DEFB132: variants seen among roughly 807,000 people sequenced by gnomAD.
DEFB132 encodes defensin beta 132, also known as beta-defensin 132.
DEFB132 carries 5 observed loss-of-function variants against 2.5 expected under a neutral mutation model. That is an observed-to-expected ratio of 2.00 (90% CI 1.04 to 4.20). DEFB132 has a LOEUF of 4.20. DEFB132 is among the 30% of genes most tolerant of loss of function. The probability of loss-of-function intolerance (pLI) is 0.00; values close to 1 mark genes in which losing one functional copy is unlikely to be tolerated. For synonymous variants in DEFB132, 53 were observed against 46.2 expected, an observed-to-expected ratio of 1.15 and a Z score of -0.60; for missense variants, 112 against 110.0, an observed-to-expected ratio of 1.02 and a Z score of -0.08.
In DEFB132 at chr20:259,418, T is replaced by C; in HGVS notation, c.*112T>C. 2.6e-6 allele frequency: 3 copies of C among 1,152,980 alleles called. No homozygotes were observed. The highest frequency in any genetic ancestry group is 3.2e-5 in the South Asian group (2 of 63,150). The allele number at this position is 1,152,980 out of a possible 1,614,324, so 71.4% of individuals were successfully genotyped here. On this transcript the variant is annotated 3_prime_UTR_variant, in exon 2 of 2. Coordinates refer to ENST00000382376, the MANE Select transcript of DEFB132 (RefSeq NM_207469.3). ...CTCCTCTTTATGGGGCAGATATCTA[T>C]AGCCAACCCCAAAACTTCTGTCTTC...
At chr20:258,310 GT>G (rs2011603177) in intron 1 of DEFB132, among the ~76,000 whole-genome samples, 1 of 152,146 alleles carries the variant, frequency 6.6e-6, no homozygotes, top group South Asian at 2.1e-4. Flanking sequence ...CCACAGGATG[GT>G]AAGCAATGGG....
At chr20:258,378 G>C (rs916329643) in intron 1 of DEFB132, among the ~76,000 whole-genome samples, 12 of 152,118 alleles carry the variant, frequency 7.9e-5, no homozygotes, top group Non-Finnish European at 1.3e-4. Flanking sequence ...GAGAGAGACA[G>C]ACACACAGAG....
intron 1 of DEFB132, among the ~76,000 whole-genome samples, chr20:258,149 G>C (rs1290129088): frequency 6.6e-6 from 1 of 152,190 alleles, no homozygotes; most frequent in Non-Finnish European, 1.5e-5. Flanking sequence ...GAAGGCTTCT[G>C]TCATCACCAT....
At position 259,695 on chromosome 20, in the gene DEFB132, A is replaced by G; in HGVS notation, c.*389A>G. On this transcript the variant is annotated 3_prime_UTR_variant, in exon 2 of 2. Coordinates refer to ENST00000382376, the MANE Select transcript of DEFB132 (RefSeq NM_207469.3). Reference sequence around the variant, plus strand: ...TGGCCTGATACGTGTCAAAGGAGAGAGGGATAGAGGAGGATTGAATAGAAG... The same window carrying G: ...TGGCCTGATACGTGTCAAAGGAGAGGGGGATAGAGGAGGATTGAATAGAAG... The G allele has an allele frequency of 3.4e-6, 1 of 289,862 alleles. No individual in the cohort carries two copies. Among genetic ancestry groups the G allele is most frequent in the South Asian group, 3.3e-5 (1 of 30,220 alleles). 18.0% of individuals were successfully genotyped at this position (289,862 alleles called of 1,614,324 possible).
chr20:259,016 G>T, intron 1 of DEFB132, 61 bp from the exon 2 acceptor site: 1 of 1,543,654 alleles, frequency 6.5e-7, no homozygotes, highest in Non-Finnish European at 8.9e-7. Flanking sequence ...TGGCGCTGAC[G>T]CTTTAGTAGC....
chr20:258,378 G>A (rs916329643), intron 1 of DEFB132, among the ~76,000 whole-genome samples: 1 of 152,118 alleles, frequency 6.6e-6, no homozygotes, highest in South Asian at 2.1e-4. Flanking sequence ...GAGAGAGACA[G>A]ACACACAGAG....
In DEFB132 at chr20:257,928, G is replaced by T. The variant is rs965884126; in HGVS notation, c.58+92G>T. On this transcript the variant is annotated intron_variant, in intron 1 of 1. Transcript: ENST00000382376. ...GGTGATAGATGAGCCAGGTTGGGTG[G>T]AGGCAGGGCTCACCCCACTGAGTTC... 3.8e-6 allele frequency: 5 copies of T among 1,331,266 alleles called. No individual in the cohort carries two copies. The African/African-American group carries it at 5.7e-5, about 15-fold the overall frequency. 82.5% of individuals were successfully genotyped at this position (1,331,266 alleles called of 1,614,324 possible).
chr20:260,982 A>G lies in DEFB132; in HGVS notation c.*1676A>G, dbSNP rs1011323030. On this transcript the variant is annotated 3_prime_UTR_variant, in exon 2 of 2. Coordinates refer to ENST00000382376, the MANE Select transcript of DEFB132 (RefSeq NM_207469.3). Reference sequence around the variant, plus strand: ...AGTTCATTCCTTTTTGTTTATAAATACTCTTCCGTCATATGAATAGTATTC... The same window carrying G: ...AGTTCATTCCTTTTTGTTTATAAATGCTCTTCCGTCATATGAATAGTATTC... 9.9e-5 allele frequency: 15 copies of G among 152,040 alleles called. No individual in the cohort carries two copies. The highest frequency in any genetic ancestry group is 8.5e-4 in the Admixed American group (13 of 15,258). The allele number at this position is 152,040 out of a possible 1,614,324, so 9.4% of individuals were successfully genotyped here.
In DEFB132 at chr20:257,771, C is replaced by T; in HGVS notation, c.-8C>T. ...CCACCACCAGCTCCCCAAGCCACCC[C>T]TTCAGCCATGAAGTTCCTGCTCCTG... On this transcript the variant is annotated 5_prime_UTR_variant, in exon 1 of 2. Transcript: ENST00000382376. 4 of 1,588,492 alleles carry T rather than the reference C, an allele frequency of 2.5e-6. No individual in the cohort carries two copies. Among genetic ancestry groups the T allele is most frequent in the South Asian group, 1.1e-5 (1 of 89,426 alleles).
Position 259,408 on chromosome 20 carries a change from C to A in DEFB132, c.*102C>A, listed in dbSNP as rs1377239293. The A allele has an allele frequency of 6.1e-6, 8 of 1,314,898 alleles. No individual in the cohort carries two copies. Among genetic ancestry groups the A allele is most frequent in the Non-Finnish European group, 7.3e-6 (7 of 964,818 alleles). 81.5% of individuals were successfully genotyped at this position (1,314,898 alleles called of 1,614,324 possible). On this transcript the variant is annotated 3_prime_UTR_variant, in exon 2 of 2. Coordinates refer to ENST00000382376, the MANE Select transcript of DEFB132 (RefSeq NM_207469.3). ...CTAGCCAAGGCTCCTCTTTATGGGG[C>A]AGATATCTATAGCCAACCCCAAAAC...
Position 260,272 on chromosome 20 carries a change from CTCA to C in DEFB132, c.*971_*973del, listed in dbSNP as rs2011628648. ...ACTAAACATTACTTCTGGGAATTGG[CTCA>C]TCATAAATTATCCAAGAGAAGCACA... On this transcript the variant is annotated 3_prime_UTR_variant, in exon 2 of 2. Coordinates refer to ENST00000382376, the MANE Select transcript of DEFB132 (RefSeq NM_207469.3). 1 of 152,014 alleles carries C rather than the reference CTCA, an allele frequency of 6.6e-6. No homozygotes were observed. Among genetic ancestry groups the C allele is most frequent in the African/African-American group, 2.4e-5 (1 of 41,376 alleles). The allele number at this position is 152,014 out of a possible 1,614,324, so 9.4% of individuals were successfully genotyped here. A position where few individuals can be genotyped will look rare whatever the true frequency, so the allele number is the denominator to read the frequency against.
rs755970454 is a variant in DEFB132, at chr20:257,747, C to T, written c.-32C>T. The T allele has an allele frequency of 1.9e-6, 3 of 1,601,958 alleles. No homozygotes were observed. Among genetic ancestry groups the T allele is most frequent in the East Asian group, 4.5e-5 (2 of 44,528 alleles). On this transcript the variant is annotated 5_prime_UTR_variant, in exon 1 of 2. Transcript: ENST00000382376. ...ACAGAGGGACCCAACTCCATTAAAC[C>T]ACCACCAGCTCCCCAAGCCACCCCT...
chr20:258,767 A>ACTGTGAAGACCTGGTCTCCACCC (rs750222789), intron 1 of DEFB132, among the ~76,000 whole-genome samples: 1 of 145,254 alleles, frequency 6.9e-6, no homozygotes, highest in South Asian at 2.1e-4. Context: ...CTCCTCCCTG[A>ACTGTGAAGACCTGGTCTCCACCC]CCGTGAAGAC....
chr20:257,842 C>T lies in DEFB132; in HGVS notation c.58+6C>T, dbSNP rs775665992. On this transcript the variant is annotated splice_donor_region_variant and intron_variant, in intron 1 of 1. Transcript: ENST00000382376. ...CCTGACCCAGGTGATCCCAGGTAAA[C>T]TGGATAAATAGGAGGAAAGGAAAAC... 8.7e-6 allele frequency: 14 copies of T among 1,605,654 alleles called. No homozygotes were observed. The highest frequency in any genetic ancestry group is 2.7e-5 in the African/African-American group (2 of 74,776).
At chr20:259,039 C>T (rs1456826720) in intron 1 of DEFB132, 38 bp from the exon 2 acceptor site, 1 of 1,606,280 alleles carries the variant, frequency 6.2e-7, no homozygotes, top group Non-Finnish European at 8.5e-7. Context: ...TGTGCTGCTT[C>T]TAACCATGAC....
chr20:257,926 T>G, intron 1 of DEFB132, 90 bp downstream of exon 1: 19 of 1,385,658 alleles, frequency 1.4e-5, no homozygotes, highest in Non-Finnish European at 1.9e-5. Context: ...CCAGGTTGGG[T>G]GGAGGCAGGG....
chr20:259,411 A>T lies in DEFB132; in HGVS notation c.*105A>T. On this transcript the variant is annotated 3_prime_UTR_variant, in exon 2 of 2. Transcript: ENST00000382376. ...GCCAAGGCTCCTCTTTATGGGGCAGATATCTATAGCCAACCCCAAAACTTC... is the reference window on the plus strand; with the variant it reads ...GCCAAGGCTCCTCTTTATGGGGCAGTTATCTATAGCCAACCCCAAAACTTC... 1 of 1,277,686 alleles carries T rather than the reference A, an allele frequency of 7.8e-7. No individual in the cohort carries two copies. The highest frequency in any genetic ancestry group is 2.5e-5 in the East Asian group (1 of 39,730). The allele number at this position is 1,277,686 out of a possible 1,614,324, so 79.1% of individuals were successfully genotyped here.
At position 260,287 on chromosome 20, in the gene DEFB132, C is replaced by T. The variant is rs2011628918; in HGVS notation, c.*981C>T. Reference sequence around the variant, plus strand: ...TGGGAATTGGCTCATCATAAATTATCCAAGAGAAGCACAAAGTTATGGGCA... The same window carrying T: ...TGGGAATTGGCTCATCATAAATTATTCAAGAGAAGCACAAAGTTATGGGCA... On this transcript the variant is annotated 3_prime_UTR_variant, in exon 2 of 2. Transcript: ENST00000382376. The T allele has an allele frequency of 6.6e-6, 1 of 152,004 alleles. No individual in the cohort carries two copies. Among genetic ancestry groups the T allele is most frequent in the African/African-American group, 2.4e-5 (1 of 41,358 alleles). 9.4% of individuals were successfully genotyped at this position (152,004 alleles called of 1,614,324 possible).
At chr20:258,981 G>T in intron 1 of DEFB132, 96 bp from the exon 2 acceptor site, 2 of 1,256,080 alleles carry the variant, frequency 1.6e-6, no homozygotes, top group East Asian at 2.4e-5. Flanking sequence ...ATACACCTCA[G>T]AACAAAAAGC....
Sources: allele counts gnomAD v4.1 joint callset (sites outside exome capture counted in the v4.1 genomes callset), GRCh38; gene constraint gnomAD v4.1.1; transcripts MANE v1.5; gene names NCBI Gene and HGNC (gene_info 2026-07-23, HGNC 2026-07-21).